The following RYR1 variants were observed in gnomAD, a reference collection of about 807,000 sequenced individuals.
The protein encoded by RYR1 is ryanodine receptor 1.
A neutral mutation model predicts 583.5 loss-of-function variants in RYR1; 342 were observed. That is an observed-to-expected ratio of 0.59 (90% CI 0.54 to 0.64). The LOEUF (loss-of-function observed/expected upper bound fraction) is 0.64, where lower values mean the gene tolerates loss of function less well. RYR1 is among the 30% of genes least tolerant of loss of function. The pLI, the probability that RYR1 is intolerant of heterozygous loss-of-function variation, is 0.00. For synonymous variants in RYR1, 2,791 were observed against 2,822.5 expected (o/e 0.99, Z 0.35); for missense variants, 6,032 against 6,917.2 (o/e 0.87, Z 4.54).
At chr19:38,535,089 A>C in intron 79 of RYR1, 52 bp from the exon 80 acceptor site, 1 of 1,578,494 alleles carries the variant, frequency 6.3e-7, no homozygotes, top group East Asian at 2.2e-5. Flanking sequence ...GGTGGGTGGA[A>C]CACACTGCCT....
intron 34 of RYR1, among the ~76,000 whole-genome samples, chr19:38,487,011 A>C (rs1268240207): frequency 6.6e-6 from 1 of 152,154 alleles, no homozygotes; most frequent in East Asian, 1.9e-4. Context: ...ACAGCAGTCC[A>C]TCTACCATTC....
At position 38,517,529 on chromosome 19, in the gene RYR1, G is replaced by C; in HGVS notation, c.9856G>C (p.Glu3286Gln). 6.2e-7 allele frequency: 1 copy of C among 1,613,936 alleles called. No individual in the cohort carries two copies. The highest frequency in any genetic ancestry group is 8.5e-7 in the Non-Finnish European group (1 of 1,179,916). Residue 3286 changes from glutamate (E) to glutamine (Q), a missense_variant, in exon 66 of 106, where the codon GAG becomes CAG. By Grantham distance (29) the Glu-to-Gln change is conservative. Coordinates refer to ENST00000359596, the MANE Select transcript of RYR1 (RefSeq NM_000540.3). ...ATGCAGCTACCTGCCCCGATGGTGG[G>C]AGCGCGGGCCCGAGGCACCCCCTTC... ...MLCSYLPRWWERGPEAPPSAL... is the reference protein window; with the variant it reads ...MLCSYLPRWWQRGPEAPPSAL...
rs1968188471 is a variant in RYR1, at chr19:38,467,775, G to A, written c.3344G>A (p.Gly1115Glu). The A allele has an allele frequency of 6.2e-7, 1 of 1,614,162 alleles. No homozygotes were observed. Among genetic ancestry groups the A allele is most frequent in the East Asian group, 2.2e-5 (1 of 44,880 alleles). ...GAGCTGAGGCCTGATGTAGAGCTGG[G>A]AGCTGACGAGCTGGCCTATGTCTTC... ...RPELRPDVELGADELAYVFNG... is the reference protein window; with the variant it reads ...RPELRPDVELEADELAYVFNG... The change falls in exon 25 of 106, where the codon GGA (glycine) becomes GAA (glutamate). Residue 1115 changes from glycine to glutamate, a missense_variant. Gly to Glu is a moderately conservative substitution (Grantham distance 98). Coordinates refer to ENST00000359596, the MANE Select transcript of RYR1 (RefSeq NM_000540.3).
chr19:38,553,226 T>C (rs1972740478), intron 89 of RYR1, among the ~76,000 whole-genome samples: 1 of 149,674 alleles, frequency 6.7e-6, no homozygotes, highest in South Asian at 2.1e-4. Flanking sequence ...TCCCGGCTAC[T>C]CAGGAGGCTA....
intron 22 of RYR1, 65 bp downstream of exon 22, chr19:38,463,915 A>T: frequency 8.4e-7 from 1 of 1,190,064 alleles, no homozygotes; most frequent in Non-Finnish European, 1.3e-6. Flanking sequence ...GGAGGCATGG[A>T]GAGACAGGGC....
chr19:38,499,780 G>A lies in RYR1; in HGVS notation c.7173G>A (p.Ala2391=), dbSNP rs151115554. ...CCATCCGCATCTCCGAGGACCCTGC[G>A]AGGGATGGCCCAGGCATCCGCAGGG... is the stretch of plus-strand genomic sequence containing the variant. ...EEAIRISEDP[A]RDGPGIRRDR... is the part of the protein sequence containing the mutation. The change falls in exon 44 of 106, where the codon GCG becomes GCA. Residue 2391 remains alanine (A), a synonymous_variant. Coordinates refer to ENST00000359596, the MANE Select transcript of RYR1 (RefSeq NM_000540.3). The surrounding 1 kb of genome is among the most constrained non-coding windows in gnomAD (Gnocchi z 7.3). 20 of 1,603,342 alleles carry A rather than the reference G, an allele frequency of 1.2e-5. No homozygotes were observed. The highest frequency in any genetic ancestry group is 9.4e-5 in the African/African-American group (7 of 74,806).
At chr19:38,585,428 GTGTTTATATATATTTATATATA>G (rs1041280681) in intron 102 of RYR1, among the ~76,000 whole-genome samples, 16 of 146,906 alleles carry the variant, frequency 1.1e-4, no homozygotes, top group Non-Finnish European at 1.9e-4. Flanking sequence ...ATTTATATAT[GTGTTTATATATATTTATATATA>G]TGTGTGTGTG....
rs1250344991 is a variant in RYR1 at position 38,463,767 on chromosome 19, G to C, written c.2703G>C (p.Arg901Ser). 2 of 1,614,112 alleles carry C rather than the reference G, an allele frequency of 1.2e-6. No individual in the cohort carries two copies. The highest frequency in any genetic ancestry group is 3.3e-5 in the Admixed American group (2 of 60,004). The change falls in exon 22 of 106, where the codon AGG becomes AGC. Residue 901 changes from arginine to serine, a missense_variant. Arg to Ser is a moderately radical substitution (Grantham distance 110). This residue lies in a region of RYR1 where 2,627 missense variants were observed against 2,961.3 expected (regional missense o/e 0.89). Transcript: ENST00000359596. ...TCCAGGTTCGGGATGACAACAAGAG[G>C]CTGCACCCGTGTCTTGTGGACTTCC... ...TYGPVRDDNK[R>S]LHPCLVDFHS...
chr19:38,503,166 T>C (rs547567951), intron 49 of RYR1, among the ~76,000 whole-genome samples, 196 bp downstream of exon 49: 7 of 152,302 alleles, frequency 4.6e-5, no homozygotes, highest in South Asian at 2.1e-4. Flanking sequence ...CTTTGCTTCA[T>C]TGATGCCTCT....
intron 53 of RYR1, among the ~76,000 whole-genome samples, 186 bp downstream of exon 53, chr19:38,505,584 T>C (rs1348503503): frequency 6.6e-6 from 1 of 152,152 alleles, no homozygotes; most frequent in African/African-American, 2.4e-5. Context: ...GAGAGTGGGT[T>C]TGATTCCTTG....
chr19:38,493,516 G>GT (rs58975597), intron 38 of RYR1, among the ~76,000 whole-genome samples: 10,313 of 115,684 alleles, frequency 0.089, 485 homozygotes, highest in Non-Finnish European at 0.11. Context: ...TTTCTTTTTC[G>GT]TTTTTTTTTT....
Position 38,442,363 on chromosome 19 carries a change from T to C in RYR1, c.180T>C (p.Asp60=). 6.2e-7 allele frequency: 1 copy of C among 1,611,432 alleles called. No homozygotes were observed. The highest frequency in any genetic ancestry group is 8.5e-7 in the Non-Finnish European group (1 of 1,178,372). ...TCCCACCCCAGAATGTGCCCCCCGA[T>C]CTGGCCATCTGTTGCTTCGTCCTGG... The part of the protein sequence containing the change: ...PTSNAQNVPP[D]LAICCFVLEQ... The change falls in exon 3 of 106, where the codon GAT becomes GAC. Residue 60 remains aspartate, a synonymous_variant. Transcript: ENST00000359596.
Position 38,543,979 on chromosome 19 carries a change from G to T in RYR1, c.12012+104G>T. ...TCAGTTTGTCACCCGAGTGCTCCCG[G>T]CATGTTCCAGACTGGTTCCCTCTCA... On this transcript the variant is annotated intron_variant, in intron 87 of 105. Transcript: ENST00000359596. This position sits in a 1 kb window ranked among gnomAD's most constrained non-coding sequence, Gnocchi z 4.4. The T allele has an allele frequency of 8.8e-7, 1 of 1,140,360 alleles. No homozygotes were observed. The allele number at this position is 1,140,360 out of a possible 1,614,324, so 70.6% of individuals were successfully genotyped here. A position where few individuals can be genotyped will look rare whatever the true frequency, so the allele number is the denominator to read the frequency against.
At chr19:38,569,098 A>G (rs907978393) in intron 93 of RYR1, among the ~76,000 whole-genome samples, 1 of 151,024 alleles carries the variant, frequency 6.6e-6, no homozygotes, top group Non-Finnish European at 1.5e-5. Context: ...GCAAGCTCTG[A>G]CTCCTGGGTT....
rs372387937 is a variant in RYR1, at chr19:38,548,291, A to G, written c.12153A>G (p.Ser4051=). The G allele has an allele frequency of 6.2e-7, 1 of 1,614,180 alleles. No homozygotes were observed. The highest frequency in any genetic ancestry group is 1.1e-5 in the South Asian group (1 of 91,086). The stretch of plus-strand genomic sequence containing the variant: ...TGGTGGACATGCTCGTGGAATCCTC[A>G]TCCAATGTGGAGATGATCCTCAAGT... The part of the protein sequence containing the change: ...RQMVDMLVES[S]SNVEMILKFF... Residue 4051 remains serine, a synonymous_variant, in exon 89 of 106, where the codon TCA becomes TCG. Coordinates refer to ENST00000359596, the MANE Select transcript of RYR1 (RefSeq NM_000540.3).
At chr19:38,484,909 G>C (rs1274811007) in intron 33 of RYR1, among the ~76,000 whole-genome samples, 3 of 151,778 alleles carry the variant, frequency 2.0e-5, no homozygotes, top group East Asian at 1.9e-4. Flanking sequence ...GGAGTTCAAG[G>C]CTGCAGAGCT....
At chr19:38,515,166 A>T in intron 64 of RYR1, 59 bp downstream of exon 64, 3 of 1,113,194 alleles carry the variant, frequency 2.7e-6, no homozygotes, top group East Asian at 2.4e-5. Flanking sequence ...GGGAGGGAGC[A>T]GGGGAAGAAG....
chr19:38,520,213 T>C (rs1175521978), intron 67 of RYR1, among the ~76,000 whole-genome samples: 1 of 151,502 alleles, frequency 6.6e-6, no homozygotes. Context: ...GCTGGGATTA[T>C]AGACTCACAC....
chr19:38,440,633 T>A, intron 1 of RYR1, 112 bp from the exon 2 acceptor site: 1 of 1,312,134 alleles, frequency 7.6e-7, no homozygotes, highest in Non-Finnish European at 1.1e-6. Context: ...GTTGATCTTG[T>A]CAGTCACTGT....
Sources: gnomAD v4.1 joint callset for allele counts (sites outside exome capture counted in the v4.1 genomes callset) on GRCh38, gnomAD v4.1.1 for gene constraint, gnomAD v4.1.1 regional missense constraint, Gnocchi (gnomAD v3.1) non-coding constraint, MANE v1.5 for transcripts, NCBI Gene and HGNC (gene_info 2026-07-23, HGNC 2026-07-21) for gene names.